The following ARRB1 variants were observed in gnomAD, a reference collection of about 807,000 sequenced individuals.
ARRB1 encodes arrestin beta 1.
In ARRB1, 21 loss-of-function variants were observed where a neutral mutation model predicts 56.8. The observed-to-expected ratio is 0.37, with a 90% CI of 0.26 to 0.53. ARRB1 has a LOEUF of 0.53. Ranked by LOEUF, ARRB1 falls within the 20% of genes least tolerant of loss-of-function variation. The pLI is 0.88. For missense variants in ARRB1, 424 were observed against 553.7 expected (o/e 0.77, Z 2.35); for synonymous variants, 210 against 218.6 (o/e 0.96, Z 0.35).
chr11:75,312,883 AC>A (rs1947192200), intron 1 of ARRB1, among the ~76,000 whole-genome samples: 1 of 152,264 alleles, frequency 6.6e-6, no homozygotes, highest in East Asian at 1.9e-4. Flanking sequence ...TCCAGAGGAC[AC>A]AGCCCTGACA....
At chr11:75,311,278 G>A (rs1947151088) in intron 1 of ARRB1, among the ~76,000 whole-genome samples, 1 of 152,252 alleles carries the variant, frequency 6.6e-6, no homozygotes, top group Non-Finnish European at 1.5e-5. Context: ...ACAGGTTGCA[G>A]TGAGCTGAGA....
chr11:75,267,607 A>AC, intron 15 of ARRB1, 45 bp downstream of exon 15: 8 of 841,046 alleles, frequency 9.5e-6, no homozygotes, highest in Non-Finnish European at 1.1e-5. Context: ...CACCCCGCCC[A>AC]CCCGCGGCCC....
intron 1 of ARRB1, among the ~76,000 whole-genome samples, chr11:75,307,059 C>T (rs145085627): frequency 6.6e-6 from 1 of 152,268 alleles, no homozygotes; most frequent in African/African-American, 2.4e-5. Flanking sequence ...ATACAGACAC[C>T]TTCACCAGGA....
At position 75,263,347 on chromosome 11, in the gene ARRB1, A is replaced by G. The variant is rs751786307; in HGVS notation, c.*2816T>C. Among the ~76,000 whole-genome samples, 1 of 152,210 alleles carries G rather than the reference A, an allele frequency of 6.6e-6. No homozygotes were observed. The highest frequency in any genetic ancestry group is 6.5e-5 in the Admixed American group (1 of 15,288). On this transcript the variant is annotated 3_prime_UTR_variant, in exon 16 of 16. Coordinates refer to ENST00000420843, the MANE Select transcript of ARRB1 (RefSeq NM_004041.5). ...TCTCCAGGAAGAGGCTGAAGGAAAC[A>G]CTTTGGCCTGTGTGTCCCTCGAGGC...
intron 1 of ARRB1, among the ~76,000 whole-genome samples, chr11:75,315,167 A>G (rs1947244337): frequency 6.6e-6 from 1 of 152,064 alleles, no homozygotes; most frequent in South Asian, 2.1e-4. Context: ...ACTTTCTCGT[A>G]CCAGAAGCAG....
At chr11:75,306,508 G>A (rs1045383070) in intron 1 of ARRB1, 1 of 960,724 alleles carries the variant, frequency 1.0e-6, no homozygotes, top group Non-Finnish European at 1.5e-6. Flanking sequence ...ATCCCAGAAA[G>A]AGAGGAAAAG....
intron 1 of ARRB1, among the ~76,000 whole-genome samples, chr11:75,294,365 T>C (rs1488101128): frequency 2.0e-5 from 3 of 152,010 alleles, no homozygotes; most frequent in African/African-American, 2.4e-5. Flanking sequence ...AAGACCAGCC[T>C]GGTCAACATG....
intron 1 of ARRB1, chr11:75,306,606 G>C (rs995372852): frequency 3.1e-6 from 4 of 1,289,076 alleles, no homozygotes; most frequent in Non-Finnish European, 4.0e-6. Flanking sequence ...GGCCAGCCCA[G>C]AAGCAGCGCC....
rs532518161 is a variant in ARRB1 at position 75,294,934 on chromosome 11, C to T, written c.21-4895G>A. Among the ~76,000 whole-genome samples the T allele has an allele frequency of 2.0e-5, 3 of 152,160 alleles. No individual in the cohort carries two copies. In the South Asian group the frequency reaches 6.2e-4, roughly 32 times the overall value. On this transcript the variant is annotated intron_variant, in intron 1 of 15. Coordinates refer to ENST00000420843, the MANE Select transcript of ARRB1 (RefSeq NM_004041.5). Reference sequence around the variant, plus strand: ...CCACACACTTAGTGGCCTAAACCAACACAAACAGGCCAGGTGTGGTGGCTC... The same window carrying T: ...CCACACACTTAGTGGCCTAAACCAATACAAACAGGCCAGGTGTGGTGGCTC...
intron 1 of ARRB1, among the ~76,000 whole-genome samples, chr11:75,332,894 C>CA (rs909771728): frequency 2.2e-4 from 32 of 147,182 alleles, no homozygotes; most frequent in South Asian, 6.5e-4. Flanking sequence ...GACTCCATCT[C>CA]AAAAAAAAAA....
rs1221224534 is a variant in ARRB1 at position 75,269,021 on chromosome 11, T to G, written c.1023-62A>C. 1.9e-6 allele frequency: 3 copies of G among 1,550,538 alleles called. No homozygotes were observed. The Admixed American group carries it at 5.4e-5, about 28-fold the overall frequency. ...GACTCACAGGCTGTGAGACTTGATGTCGATGCCCTGTCAGTCCGAGGACTG... is the reference window on the plus strand; with the variant it reads ...GACTCACAGGCTGTGAGACTTGATGGCGATGCCCTGTCAGTCCGAGGACTG... On this transcript the variant is annotated intron_variant, in intron 13 of 15. Coordinates refer to ENST00000420843, the MANE Select transcript of ARRB1 (RefSeq NM_004041.5).
chr11:75,269,095 C>T (rs369579374), intron 13 of ARRB1, 136 bp from the exon 14 acceptor site: 57 of 930,000 alleles, frequency 6.1e-5, no homozygotes, highest in Admixed American at 5.3e-4. Context: ...TGCCCTCCAG[C>T]CCCAGTTCTG....
chr11:75,268,029 G>T lies in ARRB1; in HGVS notation c.1094-326C>A, dbSNP rs35605796. On this transcript the variant is annotated intron_variant, in intron 14 of 15. Coordinates refer to ENST00000420843, the MANE Select transcript of ARRB1 (RefSeq NM_004041.5). ...CATGCATGCCATTCACCAATTCTAA[G>T]ACAATCTTTTTTATATTTTCCTTCA... Among the ~76,000 whole-genome samples, 346 of 152,294 alleles carry T rather than the reference G, an allele frequency of 2.3e-3. 3 individuals carry two copies. Among genetic ancestry groups the T allele is most frequent in the African/African-American group, 8.2e-3 (339 of 41,554 alleles).
intron 1 of ARRB1, among the ~76,000 whole-genome samples, chr11:75,310,557 G>C (rs184151153): frequency 3.3e-5 from 5 of 152,250 alleles, no homozygotes; most frequent in Admixed American, 2.0e-4. Flanking sequence ...GGCTTCCCAC[G>C]GGGTTTGGAG....
At chr11:75,279,804 G>A (rs887317117) in intron 7 of ARRB1, among the ~76,000 whole-genome samples, 3 of 152,072 alleles carry the variant, frequency 2.0e-5, no homozygotes, top group Admixed American at 6.6e-5. Context: ...AGTAGCTGGG[G>A]TTACAGGCAT....
rs979433291 is a variant in ARRB1 at position 75,261,083 on chromosome 11, G to A, written c.*5080C>T. ...CCCATGCTTCATGGGCCAATATCAG[G>A]GTCACGACCCATCCCCACTGAGCAC... On this transcript the variant is annotated 3_prime_UTR_variant, in exon 16 of 16. Transcript: ENST00000420843. 9 of 148,086 alleles carry A rather than the reference G, an allele frequency of 6.1e-5. No individual in the cohort carries two copies. Among genetic ancestry groups the A allele is most frequent in the African/African-American group, 2.4e-4 (9 of 37,586 alleles). The allele number at this position is 148,086 out of a possible 1,614,324, so 9.2% of individuals were successfully genotyped here. A position where few individuals can be genotyped will look rare whatever the true frequency, so the allele number is the denominator to read the frequency against.
At chr11:75,300,935 T>A (rs1459495077) in intron 1 of ARRB1, among the ~76,000 whole-genome samples, 1 of 129,504 alleles carries the variant, frequency 7.7e-6, no homozygotes, top group African/African-American at 3.3e-5. Context: ...GCCACTGCAC[T>A]CCAGCCTGGG....
At chr11:75,266,479 A>G (rs1591882455) in intron 15 of ARRB1, among the ~76,000 whole-genome samples, 1 of 152,256 alleles carries the variant, frequency 6.6e-6, no homozygotes, top group African/African-American at 2.4e-5. Flanking sequence ...GGCAGTGGGG[A>G]CAGTCACATC....
At chr11:75,280,682 G>GCTGAACGCCTCCTC (rs1946313663) in intron 7 of ARRB1, among the ~76,000 whole-genome samples, 1 of 152,214 alleles carries the variant, frequency 6.6e-6, no homozygotes, top group African/African-American at 2.4e-5. Flanking sequence ...CTCCACTCCT[G>GCTGAACGCCTCCTC]CTGAACGCCT....
Sources: gnomAD v4.1 joint callset for allele counts (sites outside exome capture counted in the v4.1 genomes callset) on GRCh38, gnomAD v4.1.1 for gene constraint, MANE v1.5 for transcripts, NCBI Gene and HGNC (gene_info 2026-07-23, HGNC 2026-07-21) for gene names.